Variants in SYS1 observed in about 807,000 individuals in gnomAD.
SYS1 encodes the protein protein SYS1 homolog.
Under a neutral mutation model 17.8 loss-of-function variants are expected in SYS1, and 8 were observed. The observed-to-expected ratio is 0.45, with a 90% CI of 0.26 to 0.81. The LOEUF (loss-of-function observed/expected upper bound fraction) is 0.81, where lower values mean the gene tolerates loss of function less well. Ranked by LOEUF, SYS1 falls within the 40% of genes least tolerant of loss-of-function variation. SYS1 has a pLI of 0.16. For missense variants in SYS1, 161 were observed against 203.9 expected (o/e 0.79, Z 1.28); for synonymous variants, 95 against 90.9 (o/e 1.05, Z -0.26).
chr20:45,373,973 T>G (rs1568921454), downstream of SYS1: 1 of 1,614,032 alleles, frequency 6.2e-7, no homozygotes, highest in Non-Finnish European at 8.5e-7. Flanking sequence ...ATCTCCACCC[T>G]CTGCTCGCAC....
Position 45,363,535 on chromosome 20 carries a change from G to A in SYS1, c.4G>A (p.Ala2Thr). Residue 2 changes from alanine (A) to threonine (T), a missense_variant, in exon 2 of 4, where the codon GCG becomes ACG. Physicochemically the swap from Ala to Thr is moderately conservative, Grantham distance 58 (BLOSUM62 0). Coordinates refer to ENST00000243918, the MANE Select transcript of SYS1 (RefSeq NM_033542.4). M[A>T]GQFRSYVWDP... ...CCGGCTCGTGTCCCTGCAGGGCATG[G>A]CGGGTCAGTTCCGCAGCTACGTGTG... 1 of 1,551,706 alleles carries A rather than the reference G, an allele frequency of 6.4e-7. No homozygotes were observed.
chr20:45,371,593 G>A (rs1007330679), downstream of SYS1, among the ~76,000 whole-genome samples: 22 of 152,248 alleles, frequency 1.4e-4, no homozygotes, highest in African/African-American at 5.3e-4. Context: ...TTGGTAAGAA[G>A]CTAGGCCTGT....
At chr20:45,369,889 G>A (rs868803958), downstream of SYS1, among the ~76,000 whole-genome samples, 1 of 151,012 alleles carries the variant, frequency 6.6e-6, no homozygotes, top group Non-Finnish European at 1.5e-5. Flanking sequence ...AAAGTGCTGG[G>A]ATTTTACAGG....
At chr20:45,373,804 G>T (rs930854561), downstream of SYS1, 23 of 1,157,140 alleles carry the variant, frequency 2.0e-5, no homozygotes, top group Admixed American at 3.8e-4. Context: ...CTGAAGTCGC[G>T]ACACAGGCTC....
At chr20:45,362,934 C>T (rs184315875), upstream of SYS1, 35 of 182,202 alleles carry the variant, frequency 1.9e-4, no homozygotes, top group African/African-American at 7.6e-4. Context: ...TTGCCTCTCC[C>T]CTAGCCGCCT....
Position 45,367,151 on chromosome 20 carries a change from C to T in SYS1, c.*36C>T, listed in dbSNP as rs190104853. On this transcript the variant is annotated 3_prime_UTR_variant, in exon 4 of 4. Coordinates refer to ENST00000243918, the MANE Select transcript of SYS1 (RefSeq NM_033542.4). Reference sequence around the variant, plus strand: ...TTTGGACATCCTGCTGACACTTGGGCCCCTTAACACCTTGGGCTGCTCAGA... The same window carrying T: ...TTTGGACATCCTGCTGACACTTGGGTCCCTTAACACCTTGGGCTGCTCAGA... 67 of 1,610,158 alleles carry T rather than the reference C, an allele frequency of 4.2e-5. No homozygotes were observed. The highest frequency in any genetic ancestry group is 8.0e-5 in the African/African-American group (6 of 74,884).
chr20:45,363,529 G>C lies in SYS1; in HGVS notation c.-3G>C. The C allele has an allele frequency of 6.5e-7, 1 of 1,536,562 alleles. No individual in the cohort carries two copies. The highest frequency in any genetic ancestry group is 2.4e-5 in the East Asian group (1 of 41,292). ...TGAGGCCCGGCTCGTGTCCCTGCAG[G>C]GCATGGCGGGTCAGTTCCGCAGCTA... On this transcript the variant is annotated splice_region_variant and 5_prime_UTR_variant, in exon 2 of 4. Transcript: ENST00000243918.
chr20:45,365,256 T>G lies in SYS1; in HGVS notation c.163-363T>G, dbSNP rs1205217337. On this transcript the variant is annotated intron_variant, in intron 2 of 3. Coordinates refer to ENST00000243918, the MANE Select transcript of SYS1 (RefSeq NM_033542.4). ...AAATATATAAGTGAATAGGTGTGGC[T>G]GTGTTTCAATAAAACCTTATGTACA... is the stretch of plus-strand genomic sequence containing the variant. 4 of 370,484 alleles carry G rather than the reference T, an allele frequency of 1.1e-5. No homozygotes were observed. In the Admixed American group the frequency reaches 1.1e-4, roughly 10 times the overall value. 22.9% of individuals were successfully genotyped at this position (370,484 alleles called of 1,614,324 possible).
At chr20:45,374,857 C>T in exon 4 of SYS1, 2 of 758,112 alleles carry the variant, frequency 2.6e-6, no homozygotes, top group Non-Finnish European at 4.2e-6. Flanking sequence ...TAGTCACTAC[C>T]CTTCTGTATG....
At chr20:45,365,493 C>T in intron 2 of SYS1, 126 bp from the exon 3 acceptor site, 1 of 892,160 alleles carries the variant, frequency 1.1e-6, no homozygotes. Flanking sequence ...GGCTGCCGTA[C>T]AGATGTAGGG....
At chr20:45,375,856 G>C in exon 4 of SYS1, 1 of 364,884 alleles carries the variant, frequency 2.7e-6, no homozygotes, top group Non-Finnish European at 5.0e-6. Flanking sequence ...CTGGGAGGGT[G>C]AACAGTCCAG....
downstream of SYS1, chr20:45,373,689 C>G (rs1988625857): frequency 1.6e-5 from 9 of 575,434 alleles, no homozygotes; most frequent in South Asian, 1.5e-4. Flanking sequence ...TCACAGAGCG[C>G]GCCACTCAGG....
At chr20:45,371,309 A>G (rs1988556873), downstream of SYS1, among the ~76,000 whole-genome samples, 1 of 152,256 alleles carries the variant, frequency 6.6e-6, no homozygotes, top group Non-Finnish European at 1.5e-5. Context: ...GAAGTGATCC[A>G]TAATTCTAGA....
downstream of SYS1, chr20:45,373,454 G>T (rs907178044): frequency 1.8e-5 from 4 of 219,028 alleles, no homozygotes; most frequent in Admixed American, 1.0e-4. Context: ...AGGGTGCTGG[G>T]GCTATTCCGC....
intron 3 of SYS1, 136 bp downstream of exon 3, chr20:45,365,822 G>A: frequency 1.2e-6 from 1 of 833,890 alleles, no homozygotes; most frequent in Non-Finnish European, 2.1e-6. Flanking sequence ...GGCCAGTTCT[G>A]GGACCAGCTG....
chr20:45,372,799 G>A (rs1652225407), downstream of SYS1: 1 of 152,206 alleles, frequency 6.6e-6, no homozygotes. Flanking sequence ...AGGAGCTCGG[G>A]AGCACGCAGC....
At chr20:45,375,236 G>C in exon 4 of SYS1, 1 of 1,614,166 alleles carries the variant, frequency 6.2e-7, no homozygotes, top group Non-Finnish European at 8.5e-7. Flanking sequence ...GTTCTATTGC[G>C]GTAGGGCTTA....
intron 3 of SYS1, 29 bp from the exon 4 acceptor site, chr20:45,366,846 G>A (rs753403892): frequency 1.9e-6 from 3 of 1,600,500 alleles, no homozygotes; most frequent in East Asian, 4.5e-5. Context: ...ACAACCCAGT[G>A]ACAACTCACT....
In SYS1 at chr20:45,363,556, G is replaced by C; in HGVS notation, c.25G>C (p.Val9Leu). 1 of 1,579,428 alleles carries C rather than the reference G, an allele frequency of 6.3e-7. No individual in the cohort carries two copies. Among genetic ancestry groups the C allele is most frequent in the Non-Finnish European group, 8.6e-7 (1 of 1,164,044 alleles). ...CATGGCGGGTCAGTTCCGCAGCTAC[G>C]TGTGGGACCCGCTGCTGATCCTGTC... Reference protein sequence around the residue: MAGQFRSYVWDPLLILSQI... With the variant: MAGQFRSYLWDPLLILSQI... The change falls in exon 2 of 4, where the codon GTG (valine) becomes CTG (leucine). Residue 9 changes from valine (V) to leucine (L), a missense_variant. Coordinates refer to ENST00000243918, the MANE Select transcript of SYS1 (RefSeq NM_033542.4).
Sources: allele counts gnomAD v4.1 joint callset (sites outside exome capture counted in the v4.1 genomes callset), GRCh38; gene constraint gnomAD v4.1.1; transcripts MANE v1.5; gene names NCBI Gene and HGNC (gene_info 2026-07-23, HGNC 2026-07-21).